SEC24B: variants seen among roughly 807,000 people sequenced by gnomAD.
SEC24B encodes SEC24 homolog B, COPII component.
Under a neutral mutation model 142.8 loss-of-function variants are expected in SEC24B, and 45 were observed. The observed-to-expected ratio is 0.32, with a 90% CI of 0.25 to 0.40. The LOEUF (loss-of-function observed/expected upper bound fraction) is 0.40. Among genes scored for constraint, SEC24B ranks in the 10% least tolerant of loss-of-function variants. SEC24B has a pLI of 1.00. For missense variants in SEC24B, 1,409 were observed against 1,526.8 expected (o/e 0.92, Z 1.29); for synonymous variants, 574 against 568.2 (o/e 1.01, Z -0.15).
intron 11 of SEC24B, among the ~76,000 whole-genome samples, chr4:109,518,060 T>C (rs1723166609): frequency 6.6e-6 from 1 of 152,064 alleles, no homozygotes; most frequent in South Asian, 2.1e-4. Context: ...TTCCGCCTTC[T>C]GGGTTCAAGC....
intron 4 of SEC24B, among the ~76,000 whole-genome samples, chr4:109,482,979 T>TATATATATACACAC (rs781527364): frequency 4.2e-4 from 11 of 26,398 alleles, no homozygotes; most frequent in South Asian, 1.7e-3. Context: ...TATATATATA[T>TATATATATACACAC]ACACACACAC....
rs1445912503 is a variant in SEC24B at position 109,521,408 on chromosome 4, T to C, written c.2302-12T>C. The C allele has an allele frequency of 6.2e-7, 1 of 1,606,226 alleles. No homozygotes were observed. Among genetic ancestry groups the C allele is most frequent in the Non-Finnish European group, 8.5e-7 (1 of 1,173,462 alleles). ...TTCTCAGTAATTCAATTTTTGATCT[T>C]TGTTTTCTCAGCTTATAAAAGACTT... On this transcript the variant is annotated splice_polypyrimidine_tract_variant and intron_variant, in intron 13 of 23. Coordinates refer to ENST00000265175, the MANE Select transcript of SEC24B (RefSeq NM_006323.5).
At chr4:109,530,155 C>G (rs938310386) in intron 18 of SEC24B, 134 bp from the exon 19 acceptor site, 2 of 606,108 alleles carry the variant, frequency 3.3e-6, no homozygotes, top group Non-Finnish European at 5.5e-6. Context: ...AATGAGGGAG[C>G]TGATGAAATG....
At chr4:109,489,550 A>G (rs1009190305) in intron 4 of SEC24B, among the ~76,000 whole-genome samples, 3 of 139,792 alleles carry the variant, frequency 2.1e-5, no homozygotes, top group African/African-American at 8.3e-5. Flanking sequence ...TCCTACACTC[A>G]GTCACTCCCC....
At chr4:109,481,829 TTC>T in intron 4 of SEC24B, 48 bp downstream of exon 4, 1 of 1,409,212 alleles carries the variant, frequency 7.1e-7, no homozygotes, top group South Asian at 1.2e-5. Flanking sequence ...TGCTCAAGTT[TTC>T]TTTTTGTTTC....
chr4:109,483,848 CG>C (rs1367674537), intron 4 of SEC24B, among the ~76,000 whole-genome samples: 1 of 152,036 alleles, frequency 6.6e-6, no homozygotes, highest in Non-Finnish European at 1.5e-5. Flanking sequence ...AAAAGAAACC[CG>C]CATGTACGCT....
chr4:109,433,831 C>G lies in SEC24B; in HGVS notation c.-39C>G. ...CCCCGCCTTCCCTTCCCTCCGCCCA[C>G]CTCCCTGAAGCGGAGCCGCCGTCGC... On this transcript the variant is annotated 5_prime_UTR_variant, in exon 1 of 24. Transcript: ENST00000265175. 2.4e-6 allele frequency: 3 copies of G among 1,255,124 alleles called. No homozygotes were observed. Among genetic ancestry groups the G allele is most frequent in the Non-Finnish European group, 3.0e-6 (3 of 998,168 alleles). The allele number at this position is 1,255,124 out of a possible 1,614,324, so 77.7% of individuals were successfully genotyped here. A position where few individuals can be genotyped will look rare whatever the true frequency, so the allele number is the denominator to read the frequency against.
intron 1 of SEC24B, among the ~76,000 whole-genome samples, chr4:109,440,550 A>G (rs538159870): frequency 1.3e-5 from 2 of 152,354 alleles, no homozygotes; most frequent in African/African-American, 4.8e-5. Flanking sequence ...AGGCTTTGAT[A>G]TAGCCCAAAT....
chr4:109,454,086 G>C (rs1237670722), intron 1 of SEC24B, among the ~76,000 whole-genome samples: 1 of 152,114 alleles, frequency 6.6e-6, no homozygotes, highest in East Asian at 1.9e-4. Flanking sequence ...TCGAACTCCT[G>C]ACCTCAGGCA....
At chr4:109,527,255 A>G (rs1430962035) in intron 17 of SEC24B, 67 bp from the exon 18 acceptor site, 9 of 1,058,024 alleles carry the variant, frequency 8.5e-6, no homozygotes, top group Non-Finnish European at 1.3e-5. Context: ...GAAAAAAAGT[A>G]TTTGACATGT....
At chr4:109,524,763 A>C (rs1478284344) in intron 14 of SEC24B, 55 bp from the exon 15 acceptor site, 3 of 1,522,774 alleles carry the variant, frequency 2.0e-6, no homozygotes, top group South Asian at 1.3e-5. Flanking sequence ...TAAAAATGAC[A>C]TGAAAATATG....
intron 1 of SEC24B, among the ~76,000 whole-genome samples, chr4:109,458,073 A>G (rs1349177100): frequency 6.6e-6 from 1 of 151,344 alleles, no homozygotes; most frequent in East Asian, 1.9e-4. Context: ...GGTCTCTCGA[A>G]TTTTGTTCAT....
At chr4:109,530,190 C>A in intron 18 of SEC24B, 99 bp from the exon 19 acceptor site, 1 of 1,033,766 alleles carries the variant, frequency 9.7e-7, no homozygotes, top group Non-Finnish European at 1.4e-6. Flanking sequence ...AAAAACTTAG[C>A]TGAATTTTGT....
intron 2 of SEC24B, among the ~76,000 whole-genome samples, chr4:109,469,461 G>C (rs1390903235): frequency 6.6e-6 from 1 of 152,164 alleles, no homozygotes; most frequent in African/African-American, 2.4e-5. Flanking sequence ...GTATTATCCA[G>C]ATAAACACAA....
chr4:109,462,897 T>TTTTA lies in SEC24B; in HGVS notation c.134-4_134-3insTTTA. 1.0e-6 allele frequency: 1 copy of TTTTA among 966,292 alleles called. No homozygotes were observed. The highest frequency in any genetic ancestry group is 1.5e-6 in the Non-Finnish European group (1 of 680,902). The allele number at this position is 966,292 out of a possible 1,614,324, so 59.9% of individuals were successfully genotyped here. A position where few individuals can be genotyped will look rare whatever the true frequency, so the allele number is the denominator to read the frequency against. On this transcript the variant is annotated splice_region_variant and splice_polypyrimidine_tract_variant and intron_variant, in intron 1 of 23. Transcript: ENST00000265175. ...CAAATACCTGTAAATACTTGCTTTTTCAGGTCCAGCCCAGAATCAAATGCA... is the reference window on the plus strand; with the variant it reads ...CAAATACCTGTAAATACTTGCTTTTTTTTACAGGTCCAGCCCAGAATCAAATGCA...
At chr4:109,528,430 CAAAAA>C (rs35976480) in intron 18 of SEC24B, among the ~76,000 whole-genome samples, 1 of 78,274 alleles carries the variant, frequency 1.3e-5, no homozygotes, top group Non-Finnish European at 2.7e-5. Context: ...GACTGCATCT[CAAAAA>C]AAAAAAAAAA....
At chr4:109,457,582 C>T (rs896434578) in intron 1 of SEC24B, among the ~76,000 whole-genome samples, 1 of 152,122 alleles carries the variant, frequency 6.6e-6, no homozygotes, top group African/African-American at 2.4e-5. Context: ...AAGGGCACAG[C>T]CTCTTAATAC....
At chr4:109,483,855 A>G (rs2125988657) in intron 4 of SEC24B, among the ~76,000 whole-genome samples, 1 of 152,356 alleles carries the variant, frequency 6.6e-6, no homozygotes, top group Admixed American at 6.5e-5. Flanking sequence ...ACCCGCATGT[A>G]CGCTTTACCC....
chr4:109,493,462 TTTG>T (rs1456250018), intron 5 of SEC24B, among the ~76,000 whole-genome samples: 3 of 152,160 alleles, frequency 2.0e-5, no homozygotes, highest in Non-Finnish European at 2.9e-5. Flanking sequence ...AGAGTTTCTT[TTTG>T]TTGTTACTGT....
Sources: allele counts gnomAD v4.1 joint callset (sites outside exome capture counted in the v4.1 genomes callset), GRCh38; gene constraint gnomAD v4.1.1; transcripts MANE v1.5; gene names NCBI Gene and HGNC (gene_info 2026-07-23, HGNC 2026-07-21).